The following FBXO7 variants were observed in gnomAD, a reference collection of about 807,000 sequenced individuals.
FBXO7 encodes the protein F-box protein 7.
In FBXO7, 31 loss-of-function variants were observed where a neutral mutation model predicts 50.2. The observed-to-expected ratio is 0.62, with a 90% CI of 0.46 to 0.83. The LOEUF is 0.83. FBXO7 is among the 40% of genes least tolerant of loss of function. The pLI is 0.00. For synonymous variants in FBXO7, 256 were observed against 253.1 expected, an observed-to-expected ratio of 1.01 and a Z score of -0.11; for missense variants, 667 against 646.6, an observed-to-expected ratio of 1.03 and a Z score of -0.34.
chr22:32,493,867 G>A (rs142401259), intron 7 of FBXO7, among the ~76,000 whole-genome samples: 56 of 151,366 alleles, frequency 3.7e-4, no homozygotes, highest in African/African-American at 1.1e-3. Context: ...CCATTTAATG[G>A]GTCATGTTAC....
At chr22:32,487,079 C>T (rs905811410) in intron 4 of FBXO7, among the ~76,000 whole-genome samples, 1 of 152,202 alleles carries the variant, frequency 6.6e-6, no homozygotes, top group Non-Finnish European at 1.5e-5. Flanking sequence ...CTGTTCTTGG[C>T]AAATCAGCTC....
In FBXO7 at chr22:32,487,726, T is replaced by G. The variant is rs1429373886; in HGVS notation, c.788-19T>G. 6.5e-7 allele frequency: 1 copy of G among 1,534,556 alleles called. No individual in the cohort carries two copies. Among genetic ancestry groups the G allele is most frequent in the Non-Finnish European group, 9.0e-7 (1 of 1,109,724 alleles). On this transcript the variant is annotated intron_variant, in intron 4 of 8. Coordinates refer to ENST00000266087, the MANE Select transcript of FBXO7 (RefSeq NM_012179.4). Reference sequence around the variant, plus strand: ...GAAGTGACAGAATTCTTTATCATCTTTCTTTTGTTTATTTACAGCTACACT... The same window carrying G: ...GAAGTGACAGAATTCTTTATCATCTGTCTTTTGTTTATTTACAGCTACACT...
At chr22:32,491,447 T>C (rs1269805367) in intron 6 of FBXO7, 3 of 392,954 alleles carry the variant, frequency 7.6e-6, no homozygotes, top group East Asian at 5.9e-5. Flanking sequence ...TGGGAATACC[T>C]TGAAGGTAGG....
At chr22:32,480,795 G>A (rs778542921) in intron 2 of FBXO7, among the ~76,000 whole-genome samples, 25 of 151,468 alleles carry the variant, frequency 1.7e-4, no homozygotes, top group Admixed American at 3.9e-4. Context: ...TCAGCCTCCC[G>A]AGTAGTTGGG....
Position 32,475,076 on chromosome 22 carries a change from A to G in FBXO7, c.74A>G (p.His25Arg), listed in dbSNP as rs1230265319. The change falls in exon 1 of 9, where the codon CAT (histidine) becomes CGT (arginine). Residue 25 changes from histidine (H) to arginine (R), a missense_variant. His to Arg is a conservative substitution (Grantham distance 29). Transcript: ENST00000266087. ...CCCGAGACGGAGCCGACGCTGGGGC[A>G]TTTGCGCTCGCACCTGAGGCAGTCC... The part of the protein sequence containing the change: ...EVPETEPTLG[H>R]LRSHLRQSLL... 3 of 1,543,566 alleles carry G rather than the reference A, an allele frequency of 1.9e-6. No individual in the cohort carries two copies. Among genetic ancestry groups the G allele is most frequent in the African/African-American group, 1.4e-5 (1 of 72,548 alleles).
chr22:32,490,206 A>G (rs914252258), intron 5 of FBXO7: 1 of 152,278 alleles, frequency 6.6e-6, no homozygotes, highest in East Asian at 1.9e-4. Flanking sequence ...GCTTTCAATT[A>G]TAACAACGCT....
In FBXO7 at chr22:32,498,222, A is replaced by T; in HGVS notation, c.1261A>T (p.Thr421Ser). 6.2e-7 allele frequency: 1 copy of T among 1,614,174 alleles called. No homozygotes were observed. Among genetic ancestry groups the T allele is most frequent in the Non-Finnish European group, 8.5e-7 (1 of 1,180,024 alleles). Residue 421 changes from threonine (T) to serine (S), a missense_variant, in exon 9 of 9, where the codon ACC (threonine) becomes TCC (serine). Physicochemically the swap from Thr to Ser is moderately conservative, Grantham distance 58. Transcript: ENST00000266087. ...FVMLLPSSTH[T>S]IPFYPNPLHP... ...GATGCTCCTGCCATCGTCAACTCAC[A>T]CCATTCCATTCTATCCCAACCCCTT...
intron 5 of FBXO7, 95 bp downstream of exon 5, chr22:32,487,923 CTA>C: frequency 1.3e-6 from 1 of 784,276 alleles, no homozygotes; most frequent in African/African-American, 1.7e-5. Flanking sequence ...CTGAAAATTT[CTA>C]TATGAGATTA....
chr22:32,475,392 C>T lies in FBXO7; in HGVS notation c.122+268C>T, dbSNP rs773206809. The T allele has an allele frequency of 6.2e-6, 10 of 1,611,482 alleles. No individual in the cohort carries two copies. The South Asian group carries it at 7.7e-5, about 12-fold the overall frequency. Reference sequence around the variant, plus strand: ...CCGGCCTCCCGGGGGCTCTGGTCCCCTCCTCGGTGAGTCATGGCTTCTGGT... The same window carrying T: ...CCGGCCTCCCGGGGGCTCTGGTCCCTTCCTCGGTGAGTCATGGCTTCTGGT... On this transcript the variant is annotated intron_variant, in intron 1 of 8. Transcript: ENST00000266087.
chr22:32,496,202 C>T (rs951003007), intron 8 of FBXO7, among the ~76,000 whole-genome samples: 9 of 152,122 alleles, frequency 5.9e-5, no homozygotes, highest in Non-Finnish European at 7.4e-5. Context: ...TAAATCAGGC[C>T]GGGTGTGGTG....
intron 7 of FBXO7, among the ~76,000 whole-genome samples, chr22:32,494,496 C>A (rs961902553): frequency 1.3e-5 from 2 of 152,142 alleles, no homozygotes; most frequent in African/African-American, 4.8e-5. Context: ...CATGCGCCCC[C>A]ACACCTGGCC....
In FBXO7 at chr22:32,475,112, C is replaced by G. The variant is rs773027248; in HGVS notation, c.110C>G (p.Thr37Ser). ...CACCTGAGGCAGTCCCTGCTGTGCA[C>G]CTGGGGGTACAGGTACGCTGGGGCC... is the stretch of plus-strand genomic sequence containing the variant. Reference protein sequence around the residue: ...RSHLRQSLLCTWGYSSNTRFT... With the variant: ...RSHLRQSLLCSWGYSSNTRFT... Residue 37 changes from threonine (T) to serine (S), a missense_variant, in exon 1 of 9, where the codon ACC becomes AGC. Transcript: ENST00000266087. The G allele has an allele frequency of 1.4e-4, 211 of 1,544,774 alleles. No individual in the cohort carries two copies. Among genetic ancestry groups the G allele is most frequent in the African/African-American group, 1.4e-5 (1 of 72,362 alleles).
At chr22:32,496,363 T>C (rs2057574572) in intron 8 of FBXO7, among the ~76,000 whole-genome samples, 1 of 152,058 alleles carries the variant, frequency 6.6e-6, no homozygotes, top group Non-Finnish European at 1.5e-5. Context: ...GGACCTGTAA[T>C]CCCAGCTACT....
chr22:32,485,675 A>G (rs192973745), intron 4 of FBXO7, among the ~76,000 whole-genome samples: 1 of 152,308 alleles, frequency 6.6e-6, no homozygotes, highest in East Asian at 1.9e-4. Context: ...CCAGCAATGC[A>G]CAACAACAAT....
chr22:32,483,801 C>T (rs2057479936), intron 2 of FBXO7, 96 bp from the exon 3 acceptor site: 4 of 1,095,350 alleles, frequency 3.7e-6, no homozygotes, highest in Middle Eastern at 2.0e-4. Flanking sequence ...CAATGATGTA[C>T]TTTGACTTTC....
At chr22:32,481,160 A>G (rs1460831782) in intron 2 of FBXO7, among the ~76,000 whole-genome samples, 2 of 152,088 alleles carry the variant, frequency 1.3e-5, no homozygotes, top group Non-Finnish European at 2.9e-5. Context: ...ATATTAAAAA[A>G]TACTTTTTAA....
intron 8 of FBXO7, among the ~76,000 whole-genome samples, chr22:32,497,709 A>T (rs1398743739): frequency 6.6e-6 from 1 of 152,176 alleles, no homozygotes; most frequent in Non-Finnish European, 1.5e-5. Flanking sequence ...TGAAAGGAAG[A>T]GTGAGTCAAT....
intron 4 of FBXO7, 109 bp downstream of exon 4, chr22:32,485,318 C>G (rs1219818703): frequency 1.5e-6 from 2 of 1,321,044 alleles, no homozygotes; most frequent in East Asian, 2.3e-5. Flanking sequence ...AGTTGTGAGT[C>G]CTTCTCAACT....
intron 2 of FBXO7, among the ~76,000 whole-genome samples, chr22:32,481,298 T>C (rs2057463368): frequency 6.6e-6 from 1 of 152,260 alleles, no homozygotes; most frequent in Non-Finnish European, 1.5e-5. Flanking sequence ...TATTTCGCTG[T>C]ATATTTAAAT....
Sources: gnomAD v4.1 joint callset for allele counts (sites outside exome capture counted in the v4.1 genomes callset) on GRCh38, gnomAD v4.1.1 for gene constraint, MANE v1.5 for transcripts, NCBI Gene and HGNC (gene_info 2026-07-23, HGNC 2026-07-21) for gene names.